The following IL1RAPL2 variants were observed in gnomAD, a reference collection of about 807,000 sequenced individuals.
IL1RAPL2 encodes X-linked interleukin-1 receptor accessory protein-like 2.
In IL1RAPL2, 3 loss-of-function variants were observed where a neutral mutation model predicts 44.1. That is an observed-to-expected ratio of 0.07 (90% CI 0.03 to 0.18). The LOEUF is 0.18. Among genes scored for constraint, IL1RAPL2 ranks in the 10% least tolerant of loss-of-function variants. The pLI, the probability that IL1RAPL2 is intolerant of heterozygous loss-of-function variation, is 1.00. For synonymous variants in IL1RAPL2, 181 were observed against 178.8 expected (o/e 1.01, Z -0.10); for missense variants, 391 against 496.4 (o/e 0.79, Z 2.02).
chrX:104,600,842 T>C (rs1928867904), intron 1 of IL1RAPL2, among the ~76,000 whole-genome samples: 1 of 111,735 alleles, frequency 8.9e-6, no homozygotes, highest in Non-Finnish European at 1.9e-5. Flanking sequence ...GCAAAGGACA[T>C]GATTTCATTA....
At chrX:105,540,335 G>T (rs1006113113) in intron 6 of IL1RAPL2, among the ~76,000 whole-genome samples, 1 of 111,420 alleles carries the variant, frequency 9.0e-6, no homozygotes, top group African/African-American at 3.3e-5. Context: ...GCATATATAC[G>T]CCATGGAATA....
At chrX:105,408,534 G>C (rs1268007494) in intron 5 of IL1RAPL2, among the ~76,000 whole-genome samples, 17 of 110,735 alleles carry the variant, frequency 1.5e-4, no homozygotes. Context: ...AACAGTAAAG[G>C]GTACATATGC....
At chrX:104,909,720 T>G (rs951818000) in intron 2 of IL1RAPL2, among the ~76,000 whole-genome samples, 18 of 112,112 alleles carry the variant, frequency 1.6e-4, no homozygotes, top group Admixed American at 6.6e-4. Context: ...CTCCAGCTGC[T>G]TACTGGGAGA....
intron 5 of IL1RAPL2, among the ~76,000 whole-genome samples, chrX:105,309,731 C>CAAAA (rs35442561): frequency 2.6e-4 from 25 of 94,749 alleles, no homozygotes; most frequent in Middle Eastern, 5.6e-3. Context: ...GACTCTGTCT[C>CAAAA]AAAAAAAAAA....
intron 2 of IL1RAPL2, among the ~76,000 whole-genome samples, chrX:105,141,900 A>T (rs1165355674): frequency 8.9e-6 from 1 of 112,134 alleles, no homozygotes; most frequent in Non-Finnish European, 1.9e-5. Flanking sequence ...ACTTGCCATG[A>T]AGTAATAATA....
intron 6 of IL1RAPL2, among the ~76,000 whole-genome samples, chrX:105,563,543 A>G (rs1158278004): frequency 2.7e-5 from 3 of 112,022 alleles, no homozygotes; most frequent in Non-Finnish European, 5.6e-5. Flanking sequence ...TAGCTATGTT[A>G]CACATAGAGT....
intron 2 of IL1RAPL2, among the ~76,000 whole-genome samples, chrX:104,898,145 T>G (rs1214933953): frequency 1.8e-5 from 2 of 112,299 alleles, no homozygotes; most frequent in Non-Finnish European, 3.8e-5. Flanking sequence ...GTGTTCTACT[T>G]GGTTTCCATG....
At chrX:104,802,896 C>T (rs2147614253) in intron 2 of IL1RAPL2, among the ~76,000 whole-genome samples, 1 of 111,251 alleles carries the variant, frequency 9.0e-6, no homozygotes, top group African/African-American at 3.3e-5. Context: ...CCACGTAAAA[C>T]ATGGTTACCC....
intron 3 of IL1RAPL2, chrX:105,219,658 T>A (rs41312550): frequency 0.01 from 12,315 of 1,208,382 alleles, 66 homozygotes; most frequent in Middle Eastern, 0.014. Flanking sequence ...CACCGCCGCC[T>A]CTTCTTCCTC....
At chrX:105,307,043 C>T (rs1020041708) in intron 5 of IL1RAPL2, among the ~76,000 whole-genome samples, 2 of 109,694 alleles carry the variant, frequency 1.8e-5, no homozygotes, top group Non-Finnish European at 3.8e-5. Context: ...AGAGGGTGAG[C>T]GCGAGTGTGA....
intron 1 of IL1RAPL2, among the ~76,000 whole-genome samples, chrX:104,638,544 G>A (rs1929872063): frequency 9.0e-6 from 1 of 111,539 alleles, no homozygotes; most frequent in African/African-American, 3.3e-5. Flanking sequence ...ACAAGTTTTA[G>A]GATGATGTGT....
intron 1 of IL1RAPL2, among the ~76,000 whole-genome samples, chrX:104,631,279 A>G (rs964125542): frequency 1.8e-5 from 2 of 111,992 alleles, no homozygotes; most frequent in African/African-American, 6.5e-5. Flanking sequence ...TCCTATTGTG[A>G]ATAGTACCAA....
At chrX:105,076,451 T>G (rs371523107) in intron 2 of IL1RAPL2, among the ~76,000 whole-genome samples, 1 of 111,486 alleles carries the variant, frequency 9.0e-6, no homozygotes, top group Non-Finnish European at 1.9e-5. Flanking sequence ...CTGAGGAGTG[T>G]TTTACATCCA....
intron 2 of IL1RAPL2, among the ~76,000 whole-genome samples, chrX:105,071,340 C>A (rs1415196146): frequency 4.5e-5 from 5 of 110,438 alleles, no homozygotes; most frequent in African/African-American, 1.6e-4. Context: ...ATCTTTATAC[C>A]ACAAACTATC....
In IL1RAPL2 at chrX:105,248,372, C is replaced by CA. The variant is rs747389924; in HGVS notation, c.543+14374dup. On this transcript the variant is annotated intron_variant, in intron 4 of 10. Coordinates refer to ENST00000372582, the MANE Select transcript of IL1RAPL2 (RefSeq NM_017416.2). ...CCAAAGGATGCAACTACGACAACAACAAAAAATAGAACTAATGAGAAACTT... is the reference window on the plus strand; with the variant it reads ...CCAAAGGATGCAACTACGACAACAACAAAAAAATAGAACTAATGAGAAACTT... Among the ~76,000 whole-genome samples the CA allele has an allele frequency of 3.3e-3, 366 of 111,470 alleles. 3 individuals are homozygous for CA. The highest frequency in any genetic ancestry group is 0.012 in the African/African-American group (355 of 30,804).
At chrX:105,728,389 GC>G (rs2147562926) in intron 7 of IL1RAPL2, among the ~76,000 whole-genome samples, 1 of 111,441 alleles carries the variant, frequency 9.0e-6, no homozygotes, top group East Asian at 2.9e-4. Context: ...TATTCAATGT[GC>G]CTTTACTGAG....
intron 6 of IL1RAPL2, among the ~76,000 whole-genome samples, chrX:105,519,677 G>A (rs964572769): frequency 5.4e-5 from 6 of 111,390 alleles, no homozygotes; most frequent in Non-Finnish European, 7.5e-5. Context: ...AAACGCTAAT[G>A]AAAGCAGGGA....
intron 2 of IL1RAPL2, among the ~76,000 whole-genome samples, chrX:105,012,451 G>C (rs1034074359): frequency 9.1e-6 from 1 of 110,451 alleles, no homozygotes; most frequent in Non-Finnish European, 1.9e-5. Flanking sequence ...ACCATATTCA[G>C]ATGGCCCTCA....
intron 1 of IL1RAPL2, chrX:104,647,620 G>A (rs766494118): frequency 4.4e-4 from 233 of 532,638 alleles, no homozygotes; most frequent in Non-Finnish European, 7.1e-4. Flanking sequence ...CCACCGACTT[G>A]AGGATCTTGG....
Sources: allele counts gnomAD v4.1 joint callset (sites outside exome capture counted in the v4.1 genomes callset), GRCh38; gene constraint gnomAD v4.1.1; transcripts MANE v1.5; gene names NCBI Gene and HGNC (gene_info 2026-07-23, HGNC 2026-07-21).